The following FGF14 variants were observed in gnomAD, a reference collection of about 807,000 sequenced individuals.
FGF14 encodes the protein fibroblast growth factor 14.
Under a neutral mutation model 25.5 loss-of-function variants are expected in FGF14, and 5 were observed. That is an observed-to-expected ratio of 0.20 (90% confidence interval 0.10 to 0.41). FGF14 has a LOEUF of 0.41. Ranked by LOEUF, FGF14 falls within the 10% of genes least tolerant of loss-of-function variation. The pLI is 1.00. For missense variants in FGF14, 222 were observed against 320.1 expected, an observed-to-expected ratio of 0.69 and a Z score of 2.34; for synonymous variants, 138 against 118.3, an observed-to-expected ratio of 1.17 and a Z score of -1.08.
chr13:102,263,562 C>T (rs140826074), intron 1 of FGF14, among the ~76,000 whole-genome samples: 415 of 152,256 alleles, frequency 2.7e-3, no homozygotes, highest in African/African-American at 9.3e-3. Context: ...TTTATAAAAA[C>T]ATATACTTAG....
At chr13:101,905,418 T>C (rs1319589114) in intron 1 of FGF14, among the ~76,000 whole-genome samples, 1 of 152,160 alleles carries the variant, frequency 6.6e-6, no homozygotes, top group African/African-American at 2.4e-5. Context: ...TGGATGAAGC[T>C]GGAAACCATC....
chr13:102,218,160 A>G (rs1396921159), intron 1 of FGF14, among the ~76,000 whole-genome samples: 5 of 151,984 alleles, frequency 3.3e-5, no homozygotes, highest in African/African-American at 1.2e-4. Context: ...GAGGAAATCA[A>G]TCTCAGCTTG....
intron 1 of FGF14, among the ~76,000 whole-genome samples, chr13:102,174,726 C>A (rs9300716): frequency 0.1 from 15,201 of 151,862 alleles, 2,066 homozygotes; most frequent in East Asian, 0.7. Context: ...AAGCATTGAG[C>A]ACACATGGAC....
intron 1 of FGF14, among the ~76,000 whole-genome samples, chr13:102,347,766 T>C (rs1434281970): frequency 1.3e-5 from 2 of 152,072 alleles, no homozygotes; most frequent in African/African-American, 4.8e-5. Flanking sequence ...TAGGTGATGC[T>C]AGAGAGGAAA....
chr13:102,161,641 AAGAAGAAGAAGAAG>A (rs2047724811), intron 1 of FGF14, among the ~76,000 whole-genome samples: 3 of 14,692 alleles, frequency 2.0e-4, no homozygotes, highest in South Asian at 3.4e-3. Context: ...GAAGAAGAAG[AAGAAGAAGAAGAAG>A]AAGAAGAAGA....
chr13:101,795,654 G>A (rs1289116430), intron 3 of FGF14, among the ~76,000 whole-genome samples: 1 of 152,100 alleles, frequency 6.6e-6, no homozygotes, highest in Non-Finnish European at 1.5e-5. Flanking sequence ...GAGAAAAGCA[G>A]CACAAAGCAA....
At chr13:102,068,793 G>C (rs887340871) in intron 1 of FGF14, among the ~76,000 whole-genome samples, 2 of 152,156 alleles carry the variant, frequency 1.3e-5, no homozygotes, top group African/African-American at 4.8e-5. Flanking sequence ...GAGCCTCCCC[G>C]ACGAGCACCA....
chr13:101,746,885 C>A (rs2036927629), intron 3 of FGF14, among the ~76,000 whole-genome samples: 1 of 152,016 alleles, frequency 6.6e-6, no homozygotes, highest in South Asian at 2.1e-4. Context: ...TAATTGTATT[C>A]ATTTCCAGAA....
At chr13:102,148,799 A>G (rs1183633134) in intron 1 of FGF14, among the ~76,000 whole-genome samples, 4 of 152,140 alleles carry the variant, frequency 2.6e-5, no homozygotes, top group Non-Finnish European at 4.4e-5. Flanking sequence ...TCAAAAAAAT[A>G]ATTAATTAAT....
intron 1 of FGF14, among the ~76,000 whole-genome samples, chr13:102,054,452 C>A (rs534214075): frequency 1.3e-5 from 2 of 152,166 alleles, no homozygotes; most frequent in Non-Finnish European, 2.9e-5. Flanking sequence ...CCCTATAAGA[C>A]AATGAATGAA....
Position 101,964,078 on chromosome 13 carries a change from G to A in FGF14, c.209-88782C>T, listed in dbSNP as rs955896372. Among the ~76,000 whole-genome samples, 6 of 152,136 alleles carry A rather than the reference G, an allele frequency of 3.9e-5. No homozygotes were observed. The South Asian group carries it at 8.3e-4, about 21-fold the overall frequency. ...TGAAACATGACCATCTTAAAACCAC[G>A]ATTTTCTCAGCAAGATCACTGAAGG... On this transcript the variant is annotated intron_variant, in intron 1 of 4. Transcript: ENST00000376131.
intron 1 of FGF14, among the ~76,000 whole-genome samples, chr13:101,957,756 A>G (rs1490237251): frequency 2.0e-5 from 3 of 152,178 alleles, no homozygotes; most frequent in African/African-American, 7.2e-5. Flanking sequence ...CAGGCCTACT[A>G]TTTGCAAACA....
intron 3 of FGF14, among the ~76,000 whole-genome samples, chr13:101,831,067 C>T (rs1253744659): frequency 1.3e-5 from 2 of 151,996 alleles, no homozygotes; most frequent in African/African-American, 4.8e-5. Flanking sequence ...ATCTCTTTTG[C>T]CATGTAAGGT....
At chr13:101,870,797 T>C (rs1017326888) in intron 2 of FGF14, among the ~76,000 whole-genome samples, 2 of 151,870 alleles carry the variant, frequency 1.3e-5, no homozygotes, top group African/African-American at 4.8e-5. Context: ...CTACTAAAAA[T>C]ACAAAATTAG....
rs1391938142 is a variant in FGF14, at chr13:102,400,513, C to A, written c.208+958G>T. 6.6e-6 allele frequency among the ~76,000 whole-genome samples: 1 copy of A among 152,226 alleles called. No homozygotes were observed. Among genetic ancestry groups the A allele is most frequent in the East Asian group, 1.9e-4 (1 of 5,194 alleles). ...ACCATGCAGCCCTCCAGCCTGCCTC[C>A]CCTGGGTTGCTCGCCCACAGCTCCG... On this transcript the variant is annotated intron_variant, in intron 1 of 4. Coordinates refer to the FGF14 transcript ENST00000376131. The surrounding 1 kb of genome is among the most constrained non-coding windows in gnomAD (Gnocchi z 4.3).
chr13:101,999,513 G>T (rs146805181), intron 1 of FGF14, among the ~76,000 whole-genome samples: 270 of 152,204 alleles, frequency 1.8e-3, no homozygotes, highest in African/African-American at 6.4e-3. Flanking sequence ...GTGAAAGGCT[G>T]GGAGGACAGA....
chr13:102,084,961 A>C (rs573228082), intron 1 of FGF14, among the ~76,000 whole-genome samples: 3 of 152,330 alleles, frequency 2.0e-5, no homozygotes, highest in Admixed American at 6.5e-5. Context: ...TTTATTCTTT[A>C]AGTGAAAAGT....
intron 3 of FGF14, among the ~76,000 whole-genome samples, chr13:101,823,156 T>C (rs770653752): frequency 6.6e-6 from 1 of 152,176 alleles, no homozygotes; most frequent in African/African-American, 2.4e-5. Flanking sequence ...TGAGTAAAGC[T>C]GCTATAAACG....
chr13:101,850,515 G>A (rs1260793636), intron 3 of FGF14, among the ~76,000 whole-genome samples: 1 of 38,514 alleles, frequency 2.6e-5, no homozygotes, highest in Non-Finnish European at 5.6e-5. Flanking sequence ...TATATATATA[G>A]AATTATATAT....
Sources: gnomAD v4.1 joint callset for allele counts (sites outside exome capture counted in the v4.1 genomes callset) on GRCh38, gnomAD v4.1.1 for gene constraint, Gnocchi (gnomAD v3.1) non-coding constraint, MANE v1.5 for transcripts, NCBI Gene and HGNC (gene_info 2026-07-23, HGNC 2026-07-21) for gene names.